Variants in CDK14 observed in about 807,000 individuals in gnomAD.
CDK14 encodes cyclin dependent kinase 14, also known as cyclin-dependent kinase 14.
A neutral mutation model predicts 60.7 loss-of-function variants in CDK14; 34 were observed. The ratio of observed to expected loss-of-function variants is 0.56; its 90% confidence interval spans 0.43 to 0.75. The LOEUF is 0.75. Ranked by LOEUF, CDK14 falls within the 30% of genes least tolerant of loss-of-function variation. The pLI, the probability that CDK14 is intolerant of heterozygous loss-of-function variation, is 0.00. For missense variants in CDK14, 482 were observed against 564.1 expected (o/e 0.85, Z 1.47); for synonymous variants, 197 against 203.7 (o/e 0.97, Z 0.28).
Position 91,177,865 on chromosome 7 carries a change from T to A in CDK14, c.*29-29300T>A, listed in dbSNP as rs879284909. 4.6e-3 allele frequency among the ~76,000 whole-genome samples: 675 copies of A among 145,632 alleles called. 3 individuals carry two copies. Among genetic ancestry groups the A allele is most frequent in the Middle Eastern group, 0.011 (3 of 278 alleles). ...GCTCATGGGTAGGAAGAATCAATAT[T>A]GTGAAAATGGCCATACTGCCCAAGG... On this transcript the variant is annotated intron_variant, in intron 14 of 14. Coordinates refer to ENST00000380050, the MANE Select transcript of CDK14 (RefSeq NM_001287135.2).
intron 2 of CDK14, among the ~76,000 whole-genome samples, chr7:90,721,714 A>C (rs543894524): frequency 2.9e-4 from 44 of 152,302 alleles, no homozygotes; most frequent in African/African-American, 9.1e-4. Flanking sequence ...TTAGTAGTGG[A>C]TAAAAGGGCT....
intron 10 of CDK14, among the ~76,000 whole-genome samples, chr7:91,025,500 T>C (rs375158951): frequency 9.9e-5 from 15 of 152,176 alleles, no homozygotes; most frequent in African/African-American, 3.6e-4. Context: ...AATGTAAGCA[T>C]GGTTCATGGA....
intron 8 of CDK14, among the ~76,000 whole-genome samples, chr7:90,946,562 G>A (rs1290318019): frequency 2.6e-5 from 4 of 151,808 alleles, no homozygotes; most frequent in East Asian, 3.9e-4. Context: ...CTCAATAATC[G>A]CCTCATTAAT....
chr7:90,651,977 T>G (rs1299283320), intron 2 of CDK14, among the ~76,000 whole-genome samples: 2 of 152,176 alleles, frequency 1.3e-5, no homozygotes, highest in Non-Finnish European at 2.9e-5. Context: ...CCTGCTTGCC[T>G]GAGTGCCTGC....
At chr7:90,841,152 A>G (rs959192355) in intron 5 of CDK14, among the ~76,000 whole-genome samples, 1 of 152,214 alleles carries the variant, frequency 6.6e-6, no homozygotes, top group Non-Finnish European at 1.5e-5. Context: ...AGGGTAAAAA[A>G]AAGTTTTCCT....
chr7:91,158,059 ATAT>A (rs1202247342), intron 14 of CDK14, among the ~76,000 whole-genome samples: 1 of 146,172 alleles, frequency 6.8e-6, no homozygotes, highest in East Asian at 1.9e-4. Context: ...TTTATATAAT[ATAT>A]TATATTATAT....
At chr7:90,930,840 G>A (rs1793570719) in intron 8 of CDK14, among the ~76,000 whole-genome samples, 1 of 152,090 alleles carries the variant, frequency 6.6e-6, no homozygotes, top group African/African-American at 2.4e-5. Flanking sequence ...TTTAATGTGA[G>A]AGCATTGATT....
intron 11 of CDK14, among the ~76,000 whole-genome samples, chr7:91,057,458 T>A (rs1451586015): frequency 6.6e-6 from 1 of 152,018 alleles, no homozygotes; most frequent in Non-Finnish European, 1.5e-5. Context: ...GCTTTTGGTG[T>A]TTTAGACATG....
chr7:90,666,567 T>G (rs1266984246), intron 2 of CDK14, among the ~76,000 whole-genome samples: 2 of 152,220 alleles, frequency 1.3e-5, no homozygotes, highest in African/African-American at 2.4e-5. Context: ...TCAAATTTAT[T>G]TGACCGTGTA....
At chr7:90,988,490 T>C (rs1191006587) in intron 10 of CDK14, among the ~76,000 whole-genome samples, 1 of 152,228 alleles carries the variant, frequency 6.6e-6, no homozygotes, top group Non-Finnish European at 1.5e-5. Flanking sequence ...TGGCATGGTG[T>C]ATTCTATTCA....
At chr7:90,635,803 A>G (rs1365184599) in intron 2 of CDK14, among the ~76,000 whole-genome samples, 3 of 151,888 alleles carry the variant, frequency 2.0e-5, no homozygotes, top group East Asian at 3.9e-4. Flanking sequence ...ATCCTCTTTT[A>G]TTTCATTGAG....
chr7:90,780,989 C>G (rs10259782), intron 4 of CDK14, among the ~76,000 whole-genome samples: 96,513 of 151,050 alleles, frequency 0.64, 31,278 homozygotes, highest in East Asian at 0.96. Flanking sequence ...CTGACTTCCA[C>G]AATGGTTGAA....
intron 3 of CDK14, among the ~76,000 whole-genome samples, chr7:90,737,088 T>C (rs1374792162): frequency 1.3e-5 from 2 of 152,222 alleles, no homozygotes; most frequent in Non-Finnish European, 2.9e-5. Flanking sequence ...GACTAGTTCC[T>C]GTGTGGTGTT....
chr7:90,984,127 G>A (rs749643711), intron 9 of CDK14, 21 bp from the exon 10 acceptor site: 9 of 1,506,456 alleles, frequency 6.0e-6, no homozygotes, highest in African/African-American at 1.4e-5. Context: ...GTTTTGTAAC[G>A]ATTCTTTCTT....
At chr7:91,173,361 G>C (rs1801591699) in intron 14 of CDK14, among the ~76,000 whole-genome samples, 1 of 151,982 alleles carries the variant, frequency 6.6e-6, no homozygotes, top group African/African-American at 2.4e-5. Flanking sequence ...AGGGAGGTTG[G>C]AGCAATGGGA....
chr7:90,980,491 G>A (rs1241633505), intron 9 of CDK14, among the ~76,000 whole-genome samples: 1 of 152,114 alleles, frequency 6.6e-6, no homozygotes, highest in Admixed American at 6.5e-5. Flanking sequence ...CTAATGGAGG[G>A]TAGAAAGAGG....
At chr7:90,900,450 A>G (rs1038854066) in intron 7 of CDK14, among the ~76,000 whole-genome samples, 2 of 152,202 alleles carry the variant, frequency 1.3e-5, no homozygotes, top group Admixed American at 6.5e-5. Context: ...GGATGAAAAT[A>G]CGTGTTTTAT....
At chr7:90,760,496 G>A (rs3802019) in intron 4 of CDK14, among the ~76,000 whole-genome samples, 13,084 of 152,154 alleles carry the variant, frequency 0.086, 642 homozygotes, top group South Asian at 0.11. Context: ...CCACAAATGG[G>A]AGCTTTCTAC....
chr7:90,762,579 G>A (rs1243183116), intron 4 of CDK14, among the ~76,000 whole-genome samples: 2 of 151,970 alleles, frequency 1.3e-5, no homozygotes, highest in Non-Finnish European at 2.9e-5. Flanking sequence ...TGTCAGGGTG[G>A]ATAAAAAAAC....
Sources: gnomAD v4.1 joint callset for allele counts (sites outside exome capture counted in the v4.1 genomes callset) on GRCh38, gnomAD v4.1.1 for gene constraint, MANE v1.5 for transcripts, NCBI Gene and HGNC (gene_info 2026-07-23, HGNC 2026-07-21) for gene names.